DCX: variants seen among roughly 807,000 people sequenced by gnomAD.
The protein encoded by DCX is doublecortin.
In DCX, 4 loss-of-function variants were observed where a neutral mutation model predicts 20.9. That is an observed-to-expected ratio of 0.19 (90% CI 0.09 to 0.44). The LOEUF is 0.44. Among genes scored for constraint, DCX ranks in the 20% least tolerant of loss-of-function variants. DCX has a pLI of 0.99. For missense variants in DCX, 133 were observed against 296.9 expected (o/e 0.45, Z 4.06); for synonymous variants, 103 against 111.4 (o/e 0.92, Z 0.47).
At chrX:111,357,765 G>C (rs1316529134) in intron 3 of DCX, among the ~76,000 whole-genome samples, 1 of 108,927 alleles carries the variant, frequency 9.2e-6, no homozygotes, top group African/African-American at 3.4e-5. Flanking sequence ...CTGGGCATCA[G>C]AGCGAGGCAC....
At chrX:111,322,659 G>T (rs928364694) in intron 5 of DCX, among the ~76,000 whole-genome samples, 1 of 112,081 alleles carries the variant, frequency 8.9e-6, no homozygotes, top group Non-Finnish European at 1.9e-5. Flanking sequence ...CCTTGGGCAG[G>T]GTGTCTGGAT....
At chrX:111,338,372 G>A (rs1161915349) in intron 3 of DCX, among the ~76,000 whole-genome samples, 1 of 111,969 alleles carries the variant, frequency 8.9e-6, no homozygotes, top group African/African-American at 3.2e-5. Context: ...CTTGCCAACA[G>A]TGTGCCTTGC....
chrX:111,317,916 G>C (rs1039267668), intron 5 of DCX, among the ~76,000 whole-genome samples: 7 of 111,081 alleles, frequency 6.3e-5, no homozygotes, highest in Non-Finnish European at 1.3e-4. Flanking sequence ...GCCAGGCACG[G>C]TGGCTCATGC....
rs747858737 is a variant in DCX at position 111,304,658 on chromosome X, G to A, written c.1045-2915C>T. 5.4e-5 allele frequency among the ~76,000 whole-genome samples: 6 copies of A among 111,531 alleles called. No individual in the cohort carries two copies. The South Asian group carries it at 1.9e-3, about 35-fold the overall frequency. ...TTTTAACCTGACTCAGAGCACACTC[G>A]CTGTGAACAGCCTTTTCAGGGGGCA... On this transcript the variant is annotated intron_variant, in intron 6 of 6. Coordinates refer to ENST00000636035, the MANE Select transcript of DCX (RefSeq NM_001195553.2).
chrX:111,350,937 G>A (rs914291979), intron 3 of DCX, among the ~76,000 whole-genome samples: 6 of 112,073 alleles, frequency 5.4e-5, no homozygotes, highest in Non-Finnish European at 1.1e-4. Flanking sequence ...TGAGAACCAA[G>A]TGAAAGGGGT....
intron 3 of DCX, among the ~76,000 whole-genome samples, chrX:111,336,340 C>T (rs1921731058): frequency 1.8e-5 from 2 of 112,442 alleles, no homozygotes; most frequent in South Asian, 7.4e-4. Flanking sequence ...GGCAAAGTCC[C>T]CTGTGCTTCT....
At chrX:111,306,612 A>G (rs1247864990) in intron 6 of DCX, among the ~76,000 whole-genome samples, 1 of 111,632 alleles carries the variant, frequency 9.0e-6, no homozygotes, top group Non-Finnish European at 1.9e-5. Flanking sequence ...CGAGAGCAGA[A>G]TACATATTCT....
intron 3 of DCX, among the ~76,000 whole-genome samples, chrX:111,354,132 A>G (rs1441663298): frequency 8.9e-6 from 1 of 111,929 alleles, no homozygotes; most frequent in Non-Finnish European, 1.9e-5. Flanking sequence ...TCATGCTAGA[A>G]TGTTCAGTTA....
intron 5 of DCX, among the ~76,000 whole-genome samples, chrX:111,323,603 G>GTTTTTTTTTTTTTTTTTTTTTT (rs780794851): frequency 1.9e-5 from 1 of 52,179 alleles, no homozygotes. Flanking sequence ...TATTATTTCT[G>GTTTTTTTTTTTTTTTTTTTTTT]TTTTTTTTTT....
intron 5 of DCX, among the ~76,000 whole-genome samples, chrX:111,323,450 C>A (rs2095091472): frequency 9.0e-6 from 1 of 111,172 alleles, no homozygotes; most frequent in Non-Finnish European, 1.9e-5. Flanking sequence ...ACTACTAGCA[C>A]TGAGTAAGTA....
intron 3 of DCX, among the ~76,000 whole-genome samples, chrX:111,375,822 T>A (rs2147718325): frequency 8.9e-6 from 1 of 112,127 alleles, no homozygotes; most frequent in African/African-American, 3.2e-5. Flanking sequence ...TTCATTAGGT[T>A]TTCTCCATTG....
At position 111,298,244 on chromosome X, in the gene DCX, G is replaced by C. The variant is rs1326803902; in HGVS notation, c.*3443C>G. On this transcript the variant is annotated 3_prime_UTR_variant, in exon 7 of 7. Coordinates refer to ENST00000636035, the MANE Select transcript of DCX (RefSeq NM_001195553.2). ...TTGGGCAAGGCAAGCATTCAGTGGG[G>C]GGCTATTCAGAGGGCTCCTCACGAT... The C allele has an allele frequency of 1.8e-5, 2 of 111,576 alleles. No homozygotes were observed. The highest frequency in any genetic ancestry group is 5.7e-4 in the East Asian group (2 of 3,526). The allele number at this position is 111,576 out of a possible 1,213,427, so 9.2% of individuals were successfully genotyped here.
chrX:111,348,876 A>G (rs1367338005), intron 3 of DCX, among the ~76,000 whole-genome samples: 1 of 107,405 alleles, frequency 9.3e-6, no homozygotes, highest in Non-Finnish European at 1.9e-5. Flanking sequence ...AAAAAAAAAA[A>G]AAGAAAAGAA....
chrX:111,303,115 T>C (rs1448316815), intron 6 of DCX, among the ~76,000 whole-genome samples: 1 of 106,114 alleles, frequency 9.4e-6, no homozygotes, highest in African/African-American at 3.5e-5. Flanking sequence ...TTTGACAGAG[T>C]CCCTCTCTGT....
chrX:111,319,527 T>C (rs767111779), intron 5 of DCX, among the ~76,000 whole-genome samples: 2 of 112,368 alleles, frequency 1.8e-5, no homozygotes, highest in South Asian at 7.5e-4. Flanking sequence ...ACTAGGCTTT[T>C]TGTGAATAAC....
At chrX:111,323,107 T>G (rs2095090571) in intron 5 of DCX, among the ~76,000 whole-genome samples, 1 of 111,790 alleles carries the variant, frequency 8.9e-6, no homozygotes, top group Admixed American at 9.5e-5. Flanking sequence ...ATGTTTCTGG[T>G]GGAGCTAGCC....
Position 111,295,459 on chromosome X carries a change from T to G in DCX, c.*6228A>C, listed in dbSNP as rs1378865685. The G allele has an allele frequency of 8.9e-6, 1 of 112,064 alleles. No homozygotes were observed. The highest frequency in any genetic ancestry group is 3.3e-5 in the African/African-American group (1 of 30,722). The allele number at this position is 112,064 out of a possible 1,213,427, so 9.2% of individuals were successfully genotyped here. On this transcript the variant is annotated 3_prime_UTR_variant, in exon 7 of 7. Coordinates refer to ENST00000636035, the MANE Select transcript of DCX (RefSeq NM_001195553.2). ...TAAATCAACTCCGATTGCCTACCAG[T>G]TTAGTTAAAACAGCTCAACAGTTAG...
intron 3 of DCX, among the ~76,000 whole-genome samples, chrX:111,343,001 A>C (rs187418501): frequency 9.9e-4 from 110 of 110,857 alleles, no homozygotes; most frequent in Admixed American, 3.2e-3. Context: ...ATCACAATTA[A>C]AAGAGCTAGA....
At chrX:111,375,827 C>G (rs776037654) in intron 3 of DCX, among the ~76,000 whole-genome samples, 5 of 112,120 alleles carry the variant, frequency 4.5e-5, no homozygotes, top group African/African-American at 1.3e-4. Flanking sequence ...TAGGTTTTCT[C>G]CATTGGGAAA....
Sources: allele counts gnomAD v4.1 joint callset (sites outside exome capture counted in the v4.1 genomes callset), GRCh38; gene constraint gnomAD v4.1.1; transcripts MANE v1.5; gene names NCBI Gene and HGNC (gene_info 2026-07-23, HGNC 2026-07-21).